The following CDKN2B-AS1 variants were observed in gnomAD, a reference collection of about 807,000 sequenced individuals.
CDKN2B-AS1 encodes the protein CDKN2B and CDKN2A antisense cis and trans regulatory RNA 1, also known as CDKN2B antisense RNA 1 (non-protein coding).
At chr9:22,059,669 G>T (rs1249228450) in intron 4 of CDKN2B-AS1, among the ~76,000 whole-genome samples, 1 of 152,218 alleles carries the variant, frequency 6.6e-6, no homozygotes, top group African/African-American at 2.4e-5. Flanking sequence ...GACTGTGTGT[G>T]GGGGCTCTAA....
At chr9:22,012,507 C>A (rs1821555384) in intron 1 of CDKN2B-AS1, 3 of 661,536 alleles carry the variant, frequency 4.5e-6, no homozygotes, top group East Asian at 3.2e-5. Context: ...TGTGGCCACA[C>A]CAACAACCTG....
intron 4 of CDKN2B-AS1, chr9:22,117,473 G>C (rs1266986919): frequency 6.6e-6 from 1 of 152,162 alleles, no homozygotes; most frequent in East Asian, 1.9e-4. Context: ...AAGGAAAATA[G>C]GAAAAACAAA....
chr9:22,056,163 G>A (rs1823558250), intron 3 of CDKN2B-AS1: 1 of 148,672 alleles, frequency 6.7e-6, no homozygotes, highest in Non-Finnish European at 1.5e-5. Flanking sequence ...GAGTAGCTCG[G>A]ATTAGAGGCT....
At chr9:22,093,688 C>G (rs1350014700) in intron 4 of CDKN2B-AS1, among the ~76,000 whole-genome samples, 1 of 142,600 alleles carries the variant, frequency 7.0e-6, no homozygotes, top group Non-Finnish European at 1.5e-5. Context: ...TTCCTCCATC[C>G]CTTTATTTTG....
chr9:22,047,179 C>T (rs1823142935), intron 2 of CDKN2B-AS1, among the ~76,000 whole-genome samples: 1 of 152,134 alleles, frequency 6.6e-6, no homozygotes, highest in East Asian at 1.9e-4. Flanking sequence ...CACCTCCTTT[C>T]CCTTCCTTTT....
intron 4 of CDKN2B-AS1, among the ~76,000 whole-genome samples, chr9:22,106,077 A>C (rs1825649836): frequency 6.6e-6 from 1 of 151,612 alleles, no homozygotes; most frequent in Admixed American, 6.6e-5. Context: ...CATCTGGATA[A>C]TTTTTGTACT....
At chr9:22,037,141 T>G (rs1822721174) in intron 1 of CDKN2B-AS1, among the ~76,000 whole-genome samples, 1 of 152,120 alleles carries the variant, frequency 6.6e-6, no homozygotes, top group Non-Finnish European at 1.5e-5. Flanking sequence ...GGGCCTGGCC[T>G]AAAGTGGTTG....
At position 22,029,058 on chromosome 9, in the gene CDKN2B-AS1, TA is replaced by T. The variant is rs34059530; in HGVS notation, n.30-17682del. On this transcript the variant is annotated intron_variant and non_coding_transcript_variant, in intron 1 of 4. Transcript: ENST00000650946. ...GATGCAATTTAAACCATACAAAAAT[TA>T]AAAAAAAAAATCCAAGGGACGGTGG... is the stretch of plus-strand genomic sequence containing the variant. 9.5e-3 allele frequency among the ~76,000 whole-genome samples: 1,428 copies of T among 149,686 alleles called. 109 individuals are homozygous for T. The East Asian group carries it at 0.2, about 21-fold the overall frequency.
chr9:22,060,157 C>T (rs757777706), intron 4 of CDKN2B-AS1, among the ~76,000 whole-genome samples: 11 of 152,314 alleles, frequency 7.2e-5, no homozygotes, highest in Non-Finnish European at 1.3e-4. Context: ...TGAATTTCTT[C>T]CCAGAAAATG....
chr9:22,002,947 G>A (rs1382724209), intron 1 of CDKN2B-AS1: 2 of 192,980 alleles, frequency 1.0e-5, no homozygotes, highest in African/African-American at 2.3e-5. Flanking sequence ...GATCTTCTTG[G>A]AATAAATGTC....
chr9:22,008,792 A>T (rs544085281), intron 1 of CDKN2B-AS1: 1 of 1,606,528 alleles, frequency 6.2e-7, no homozygotes, highest in Admixed American at 1.7e-5. Flanking sequence ...CTGGGGCCCC[A>T]GCTACCTGGA....
chr9:22,084,035 T>C (rs1399204777), intron 4 of CDKN2B-AS1, among the ~76,000 whole-genome samples: 1 of 152,248 alleles, frequency 6.6e-6, no homozygotes, highest in African/African-American at 2.4e-5. Context: ...TACATTACCT[T>C]TCTTAACAGT....
Position 21,996,193 on chromosome 9 carries a change from C to T in CDKN2B-AS1, n.29+1032C>T, listed in dbSNP as rs527442521. 2.0e-5 allele frequency among the ~76,000 whole-genome samples: 3 copies of T among 152,312 alleles called. No individual in the cohort carries two copies. Among genetic ancestry groups the T allele is most frequent in the East Asian group, 3.9e-4 (2 of 5,178 alleles). On this transcript the variant is annotated intron_variant and non_coding_transcript_variant, in intron 1 of 4. Transcript: ENST00000650946. This position sits in a 1 kb window ranked among gnomAD's most constrained non-coding sequence, Gnocchi z 5.4. Reference sequence around the variant, plus strand: ...GGCAGACTTCTCTTTCCCCATCCCCCGCCCCATCACTTGACGTTGCTGCCG... The same window carrying T: ...GGCAGACTTCTCTTTCCCCATCCCCTGCCCCATCACTTGACGTTGCTGCCG...
chr9:22,008,602 A>C (rs1821311507), intron 1 of CDKN2B-AS1: 21 of 1,508,484 alleles, frequency 1.4e-5, no homozygotes, highest in Non-Finnish European at 1.8e-5. Flanking sequence ...AAAAGCTTAA[A>C]CAGTGGGTTT....
intron 1 of CDKN2B-AS1, chr9:22,046,181 C>A (rs1398348981): frequency 6.6e-6 from 1 of 152,082 alleles, no homozygotes; most frequent in African/African-American, 2.4e-5. Flanking sequence ...AGGACTATAT[C>A]TAGCAATAAT....
chr9:22,012,276 A>G, intron 1 of CDKN2B-AS1: 1 of 1,471,138 alleles, frequency 6.8e-7, no homozygotes. Context: ...CCTGACAAGC[A>G]GCGTCTGATA....
chr9:22,058,134 C>CA (rs1823650530), intron 4 of CDKN2B-AS1, among the ~76,000 whole-genome samples: 1 of 152,068 alleles, frequency 6.6e-6, no homozygotes, highest in Non-Finnish European at 1.5e-5. Flanking sequence ...GCAGAGGCTA[C>CA]AGTGAGCCGA....
chr9:22,096,203 G>C (rs938350308), intron 4 of CDKN2B-AS1, among the ~76,000 whole-genome samples: 1 of 152,216 alleles, frequency 6.6e-6, no homozygotes, highest in Non-Finnish European at 1.5e-5. Flanking sequence ...GGAATGTTGA[G>C]AGATGGAACT....
intron 1 of CDKN2B-AS1, among the ~76,000 whole-genome samples, chr9:22,040,764 T>C (rs1188438240): frequency 6.6e-6 from 1 of 152,038 alleles, no homozygotes; most frequent in African/African-American, 2.4e-5. Flanking sequence ...AATACAGAGA[T>C]ACACAATTTA....
Sources: gnomAD v4.1 joint callset for allele counts (sites outside exome capture counted in the v4.1 genomes callset) on GRCh38, gnomAD v4.1.1 for gene constraint, Gnocchi (gnomAD v3.1) non-coding constraint, MANE v1.5 for transcripts, NCBI Gene and HGNC (gene_info 2026-07-23, HGNC 2026-07-21) for gene names.